The following ZNF236 variants were observed in gnomAD, a reference collection of about 807,000 sequenced individuals.
ZNF236 encodes regulated by glucose.
In ZNF236, 50 loss-of-function variants were observed where a neutral mutation model predicts 191.2. That is an observed-to-expected ratio of 0.26 (90% CI 0.21 to 0.33). The LOEUF is 0.33. Among genes scored for constraint, ZNF236 ranks in the 10% least tolerant of loss-of-function variants. ZNF236 has a pLI of 1.00. For synonymous variants in ZNF236, 907 were observed against 928.8 expected, an observed-to-expected ratio of 0.98 and a Z score of 0.43; for missense variants, 1,754 against 2,374.5, an observed-to-expected ratio of 0.74 and a Z score of 5.43.
rs766166314 is a variant in ZNF236 at position 76,880,138 on chromosome 18, T to G, written c.1010T>G (p.Leu337Arg). 1 of 1,614,030 alleles carries G rather than the reference T, an allele frequency of 6.2e-7. No homozygotes were observed. Among genetic ancestry groups the G allele is most frequent in the African/African-American group, 1.3e-5 (1 of 75,020 alleles). The change falls in exon 8 of 31, where the codon CTT (leucine) becomes CGT (arginine). Residue 337 changes from leucine (L) to arginine (R), a missense_variant. Physicochemically the swap from Leu to Arg is moderately radical, Grantham distance 102. Around this residue, in one of 5 missense-constraint regions of ZNF236, gnomAD observed 336 missense variants for 495.1 expected, o/e 0.68. Transcript: ENST00000320610. This position sits in a 1 kb window ranked among gnomAD's most constrained non-coding sequence, Gnocchi z 5.0. Reference protein sequence around the residue: ...LTATLFQTLPLQQTEAQATSA... With the variant: ...LTATLFQTLPRQQTEAQATSA... ...GCCACACTTTTTCAGACGTTACCTC[T>G]TCAACAGACGGAAGCCCAAGCCACG...
chr18:76,878,711 C>G (rs1203550970), intron 7 of ZNF236, among the ~76,000 whole-genome samples: 1 of 151,822 alleles, frequency 6.6e-6, no homozygotes, highest in South Asian at 2.1e-4. Context: ...TCGTACTGCA[C>G]TACCCTCTCA....
In ZNF236 at chr18:76,956,081, G is replaced by C. The variant is rs761868628; in HGVS notation, c.5011G>C (p.Ala1671Pro). Residue 1671 changes from alanine to proline, a missense_variant, in exon 28 of 31, where the codon GCG becomes CCG. Ala to Pro is a conservative substitution (Grantham distance 27, BLOSUM62 -1). Around this residue, in one of 5 missense-constraint regions of ZNF236, gnomAD observed 606 missense variants for 761.5 expected, o/e 0.80. Transcript: ENST00000320610. ...CLECDRAFSS[A>P]AVLMHHSKEV... ...GGAGTGTGACCGCGCCTTCTCATCG[G>C]CGGCGGTGCTCATGCACCACAGCAA... The C allele has an allele frequency of 1.3e-6, 2 of 1,597,476 alleles. No homozygotes were observed. Among genetic ancestry groups the C allele is most frequent in the African/African-American group, 2.7e-5 (2 of 74,742 alleles).
intron 27 of ZNF236, 36 bp from the exon 28 acceptor site, chr18:76,955,949 A>G: frequency 1.3e-6 from 2 of 1,587,004 alleles, no homozygotes; most frequent in Non-Finnish European, 8.6e-7. Context: ...AATCAAGCCA[A>G]GTGAGTGGAA....
In ZNF236 at chr18:76,927,231, A is replaced by C; in HGVS notation, c.4174-46A>C. The C allele has an allele frequency of 6.2e-7, 1 of 1,611,828 alleles. No individual in the cohort carries two copies. The highest frequency in any genetic ancestry group is 8.5e-7 in the Non-Finnish European group (1 of 1,178,036). On this transcript the variant is annotated intron_variant, in intron 23 of 30. Coordinates refer to ENST00000320610, the MANE Select transcript of ZNF236 (RefSeq NM_001306089.2). The surrounding 1 kb of genome is among the most constrained non-coding windows in gnomAD (Gnocchi z 5.4). Reference sequence around the variant, plus strand: ...TGTGCTGTAATTCTCTTGGCATCACAGAGAAGCATGAAGTTTTCATTACAA... The same window carrying C: ...TGTGCTGTAATTCTCTTGGCATCACCGAGAAGCATGAAGTTTTCATTACAA...
rs561762049 is a variant in ZNF236, at chr18:76,941,684, A to G, written c.4782+4341A>G. Among the ~76,000 whole-genome samples the G allele has an allele frequency of 2.0e-5, 3 of 152,322 alleles. No individual in the cohort carries two copies. The South Asian group carries it at 6.2e-4, about 32-fold the overall frequency. On this transcript the variant is annotated intron_variant, in intron 26 of 30. Coordinates refer to ENST00000320610, the MANE Select transcript of ZNF236 (RefSeq NM_001306089.2). ...CTGGAGCCTGTGTCTATCCAGATAC[A>G]TTAGTGTTTCTGTTAAGCTTTGGTG...
chr18:76,877,113 T>G (rs1718426007), intron 6 of ZNF236, among the ~76,000 whole-genome samples: 1 of 152,226 alleles, frequency 6.6e-6, no homozygotes. Flanking sequence ...AACACTGGGT[T>G]TTAGTAATAG....
At chr18:76,837,923 T>G (rs1479745314) in intron 1 of ZNF236, among the ~76,000 whole-genome samples, 2 of 152,256 alleles carry the variant, frequency 1.3e-5, no homozygotes, top group Non-Finnish European at 2.9e-5. Context: ...TCAATGATAC[T>G]TTATGTCAAG....
At chr18:76,862,079 G>T (rs1289743502) in intron 3 of ZNF236, among the ~76,000 whole-genome samples, 1 of 152,092 alleles carries the variant, frequency 6.6e-6, no homozygotes, top group Non-Finnish European at 1.5e-5. Context: ...TAGCCAGGAT[G>T]GTCTCAATCT....
In ZNF236 at chr18:76,866,550, C is replaced by T. The variant is rs189789567; in HGVS notation, c.364-2135C>T. On this transcript the variant is annotated intron_variant, in intron 3 of 30. Coordinates refer to ENST00000320610, the MANE Select transcript of ZNF236 (RefSeq NM_001306089.2). ...CAGCCTTGATGCAGTCAGTACCTAG[C>T]ATTGCACGCTCTGGTCTTTTAGAGA... Among the ~76,000 whole-genome samples, 14 of 152,306 alleles carry T rather than the reference C, an allele frequency of 9.2e-5. No homozygotes were observed. The East Asian group carries it at 2.3e-3, about 25-fold the overall frequency.
chr18:76,854,176 C>T (rs1377673068), intron 3 of ZNF236, among the ~76,000 whole-genome samples: 1 of 152,018 alleles, frequency 6.6e-6, no homozygotes, highest in African/African-American at 2.4e-5. Context: ...TAAATATGTA[C>T]AGTTTTACTT....
In ZNF236 at chr18:76,875,896, G is replaced by A. The variant is rs1293100162; in HGVS notation, c.840+232G>A. Among the ~76,000 whole-genome samples, 1 of 152,014 alleles carries A rather than the reference G, an allele frequency of 6.6e-6. No individual in the cohort carries two copies. Among genetic ancestry groups the A allele is most frequent in the Admixed American group, 6.5e-5 (1 of 15,268 alleles). On this transcript the variant is annotated intron_variant, in intron 6 of 30. Coordinates refer to ENST00000320610, the MANE Select transcript of ZNF236 (RefSeq NM_001306089.2). The surrounding 1 kb of genome is among the most constrained non-coding windows in gnomAD (Gnocchi z 4.3). ...CTTCTTGCTGACAGCATGGCTTTGG[G>A]GAATAAATATTTGAAAATAATCCTA...
At chr18:76,908,989 G>C (rs552605436) in intron 14 of ZNF236, among the ~76,000 whole-genome samples, 1 of 149,210 alleles carries the variant, frequency 6.7e-6, no homozygotes, top group Non-Finnish European at 1.5e-5. Context: ...GTGTGTGTGT[G>C]TGTGTGTGTG....
chr18:76,870,573 C>T (rs554703156), intron 4 of ZNF236, among the ~76,000 whole-genome samples: 4 of 152,236 alleles, frequency 2.6e-5, no homozygotes, highest in African/African-American at 9.6e-5. Context: ...GTGGGTTAGT[C>T]GGTACCACAG....
chr18:76,847,684 T>C (rs1975735111), intron 1 of ZNF236, among the ~76,000 whole-genome samples: 1 of 152,148 alleles, frequency 6.6e-6, no homozygotes, highest in Non-Finnish European at 1.5e-5. Flanking sequence ...TTAGCCAGGA[T>C]GGTCTTGATC....
intron 3 of ZNF236, among the ~76,000 whole-genome samples, chr18:76,863,251 G>GGATAGGA (rs1309606271): frequency 2.6e-5 from 4 of 152,198 alleles, no homozygotes; most frequent in Admixed American, 6.5e-5. Context: ...TCATCACAAA[G>GGATAGGA]GATAGGAGAA....
chr18:76,934,756 A>T (rs991017644), intron 25 of ZNF236, among the ~76,000 whole-genome samples: 2 of 152,242 alleles, frequency 1.3e-5, no homozygotes, highest in African/African-American at 2.4e-5. Flanking sequence ...GGCTACCCCG[A>T]TGCTTCTCTC....
At chr18:76,829,944 C>A (rs1447724623) in intron 1 of ZNF236, among the ~76,000 whole-genome samples, 4 of 152,222 alleles carry the variant, frequency 2.6e-5, no homozygotes, top group African/African-American at 9.6e-5. Flanking sequence ...GATCTCCACT[C>A]ACTGCAACCT....
At chr18:76,831,780 A>G (rs555572289) in intron 1 of ZNF236, among the ~76,000 whole-genome samples, 1 of 152,082 alleles carries the variant, frequency 6.6e-6, no homozygotes, top group African/African-American at 2.4e-5. Context: ...TTTCCATCGT[A>G]TGTTTAATTT....
chr18:76,924,611 G>A (rs1328270741), intron 21 of ZNF236, among the ~76,000 whole-genome samples: 4 of 152,184 alleles, frequency 2.6e-5, no homozygotes, highest in African/African-American at 7.2e-5. Flanking sequence ...ATGGTGCTCC[G>A]AGCCTTCGTG....
Sources: allele counts gnomAD v4.1 joint callset (sites outside exome capture counted in the v4.1 genomes callset), GRCh38; gene constraint gnomAD v4.1.1; regional missense constraint gnomAD v4.1.1; non-coding constraint Gnocchi (gnomAD v3.1); transcripts MANE v1.5; gene names NCBI Gene and HGNC (gene_info 2026-07-23, HGNC 2026-07-21).